The following RPL39L variants were observed in gnomAD, a reference collection of about 807,000 sequenced individuals.
RPL39L encodes the protein ribosomal protein eL39-like 2.
For missense variants in RPL39L, 48 were observed against 58.9 expected (o/e 0.81, Z 0.61); for synonymous variants, 16 against 20.1 (o/e 0.80, Z 0.55).
chr3:187,121,332 T>C lies in RPL39L; in HGVS notation c.-28-4A>G, dbSNP rs999552648. The C allele has an allele frequency of 6.8e-6, 11 of 1,612,034 alleles. No homozygotes were observed. Among genetic ancestry groups the C allele is most frequent in the Middle Eastern group, 3.3e-4 (2 of 6,072 alleles). On this transcript the variant is annotated splice_polypyrimidine_tract_variant and splice_region_variant and intron_variant, in intron 2 of 2. Transcript: ENST00000296277. ...AAACAGAGTCAACCACACACCACTA[T>C]GGCGGAGAAAGGGAGAGAGAGACAG... is the stretch of plus-strand genomic sequence containing the variant.
At chr3:187,135,625 A>G (rs1157281731) in intron 1 of RPL39L, among the ~76,000 whole-genome samples, 1 of 152,258 alleles carries the variant, frequency 6.6e-6, no homozygotes, top group African/African-American at 2.4e-5. Context: ...CAGCAGCATG[A>G]AAGACTAATA....
intron 2 of RPL39L, among the ~76,000 whole-genome samples, chr3:187,127,144 T>A (rs928701431): frequency 2.0e-5 from 3 of 152,116 alleles, no homozygotes; most frequent in African/African-American, 7.2e-5. Context: ...TTGGAATCAA[T>A]GATTAAAACA....
intron 2 of RPL39L, among the ~76,000 whole-genome samples, chr3:187,125,807 C>T (rs1376551214): frequency 2.7e-5 from 4 of 150,498 alleles, no homozygotes; most frequent in African/African-American, 9.7e-5. Context: ...TCTTTTTGTG[C>T]GGTAAGCAAT....
chr3:187,122,984 T>C (rs954239734), intron 2 of RPL39L, among the ~76,000 whole-genome samples: 1 of 152,118 alleles, frequency 6.6e-6, no homozygotes, highest in Non-Finnish European at 1.5e-5. Context: ...CCTATTAGTC[T>C]AGGTATTGAA....
intron 1 of RPL39L, among the ~76,000 whole-genome samples, chr3:187,134,474 CCTGA>C (rs1468055341): frequency 8.3e-6 from 1 of 120,576 alleles, no homozygotes; most frequent in Non-Finnish European, 1.5e-5. Context: ...ACTACTTTAG[CCTGA>C]CTGATAAAAA....
intron 2 of RPL39L, 87 bp from the exon 3 acceptor site, chr3:187,121,415 GA>G: frequency 7.4e-7 from 1 of 1,358,326 alleles, no homozygotes; most frequent in South Asian, 1.4e-5. Flanking sequence ...AGACAAGAAA[GA>G]GGATCTTTAG....
intron 2 of RPL39L, among the ~76,000 whole-genome samples, chr3:187,126,784 C>T (rs1272319101): frequency 6.6e-6 from 1 of 151,774 alleles, no homozygotes; most frequent in Non-Finnish European, 1.5e-5. Context: ...ATTTTGACAG[C>T]ATTTCAGAGT....
chr3:187,136,117 A>G (rs1720575131), intron 1 of RPL39L, among the ~76,000 whole-genome samples: 1 of 152,244 alleles, frequency 6.6e-6, no homozygotes. Context: ...GAGTCTGCCC[A>G]TTTTATATTC....
intron 1 of RPL39L, among the ~76,000 whole-genome samples, chr3:187,137,642 G>A (rs1242909207): frequency 6.6e-6 from 1 of 152,114 alleles, no homozygotes; most frequent in Non-Finnish European, 1.5e-5. Flanking sequence ...GGCCAACATG[G>A]TGAAACCCCG....
rs771950549 is a variant in RPL39L, at chr3:187,121,280, G to T, written c.21C>A (p.Phe7Leu). 1 of 1,613,918 alleles carries T rather than the reference G, an allele frequency of 6.2e-7. No individual in the cohort carries two copies. Among genetic ancestry groups the T allele is most frequent in the African/African-American group, 1.3e-5 (1 of 74,928 alleles). MSSHKT[F>L]TIKRFLAKKQ... The stretch of plus-strand genomic sequence containing the variant: ...TCTTGGCCAGGAATCGCTTAATGGT[G>T]AAAGTCTTGTGAGAAGACATGGCGA... The change falls in exon 3 of 3, where the codon TTC becomes TTA. Residue 7 changes from phenylalanine to leucine, a missense_variant. Phe to Leu is a conservative substitution (Grantham distance 22). Transcript: ENST00000296277.
At chr3:187,131,088 T>C (rs774954763) in intron 1 of RPL39L, among the ~76,000 whole-genome samples, 10 of 152,216 alleles carry the variant, frequency 6.6e-5, no homozygotes, top group Non-Finnish European at 1.0e-4. Flanking sequence ...TTAAAAGGCT[T>C]TTTTCACATA....
In RPL39L at chr3:187,129,843, C is replaced by CT. The variant is rs59449021; in HGVS notation, c.-92-1782dup. ...TCACCACTATACCCTCCCCTCCACC[C>CT]TTTTTTTTTTTTTTTCTTTTTTGCC... On this transcript the variant is annotated intron_variant, in intron 1 of 2. Transcript: ENST00000296277. Among the ~76,000 whole-genome samples, 478 of 143,304 alleles carry CT rather than the reference C, an allele frequency of 3.3e-3. 1 individual carries two copies. Among genetic ancestry groups the CT allele is most frequent in the African/African-American group, 7.6e-3 (297 of 39,086 alleles). The allele number at this position is 143,304 out of a possible 152,430, so 94.0% of individuals were successfully genotyped here.
chr3:187,123,342 G>A (rs1281095455), intron 2 of RPL39L, among the ~76,000 whole-genome samples: 2 of 152,184 alleles, frequency 1.3e-5, no homozygotes, highest in Non-Finnish European at 2.9e-5. Flanking sequence ...TACAGGTTAC[G>A]AGAATAACAA....
intron 1 of RPL39L, among the ~76,000 whole-genome samples, chr3:187,131,246 G>A (rs1045600799): frequency 2.6e-5 from 4 of 152,140 alleles, no homozygotes; most frequent in African/African-American, 9.7e-5. Context: ...GGGAGGCTGA[G>A]GCAGGCACAT....
At chr3:187,128,307 A>C (rs1347953377) in intron 1 of RPL39L, among the ~76,000 whole-genome samples, 1 of 152,188 alleles carries the variant, frequency 6.6e-6, no homozygotes, top group Admixed American at 6.5e-5. Flanking sequence ...TCCTCAAACA[A>C]CATTAATAAA....
intron 1 of RPL39L, among the ~76,000 whole-genome samples, chr3:187,135,195 G>C (rs1720554346): frequency 6.6e-6 from 1 of 152,172 alleles, no homozygotes; most frequent in Admixed American, 6.5e-5. Flanking sequence ...CAGCTTCTAA[G>C]GCTTTGTCAA....
chr3:187,123,730 G>C (rs545563205), intron 2 of RPL39L, among the ~76,000 whole-genome samples: 25 of 152,174 alleles, frequency 1.6e-4, no homozygotes, highest in Non-Finnish European at 2.9e-4. Context: ...AAAGTCTTCT[G>C]TAAGAAAAAT....
At chr3:187,127,946 T>A (rs1720425608) in intron 2 of RPL39L, 53 bp downstream of exon 2, 1 of 152,178 alleles carries the variant, frequency 6.6e-6, no homozygotes, top group African/African-American at 2.4e-5. Flanking sequence ...TGTCCAATTT[T>A]AAAAATTACA....
chr3:187,125,087 T>C (rs916121404), intron 2 of RPL39L, among the ~76,000 whole-genome samples: 1 of 152,096 alleles, frequency 6.6e-6, no homozygotes, highest in African/African-American at 2.4e-5. Context: ...TGCTACTAAA[T>C]AAGGCAAATA....
Sources: allele counts gnomAD v4.1 joint callset (sites outside exome capture counted in the v4.1 genomes callset), GRCh38; gene constraint gnomAD v4.1.1; transcripts MANE v1.5; gene names NCBI Gene and HGNC (gene_info 2026-07-23, HGNC 2026-07-21).